KIAA1549L: variants seen among roughly 807,000 people sequenced by gnomAD.
KIAA1549L encodes KIAA1549 like.
Under a neutral mutation model 160.7 loss-of-function variants are expected in KIAA1549L, and 88 were observed. That is an observed-to-expected ratio of 0.55 (90% CI 0.46 to 0.65). The LOEUF (loss-of-function observed/expected upper bound fraction) is 0.65, where lower values mean the gene tolerates loss of function less well. KIAA1549L is among the 30% of genes least tolerant of loss of function. The pLI is 0.00. For missense variants in KIAA1549L, 2,258 were observed against 2,437.5 expected (o/e 0.93, Z 1.55); for synonymous variants, 950 against 976.7 (o/e 0.97, Z 0.51).
intron 1 of KIAA1549L, among the ~76,000 whole-genome samples, chr11:33,541,065 C>G (rs956957978): frequency 6.6e-6 from 1 of 152,136 alleles, no homozygotes; most frequent in Non-Finnish European, 1.5e-5. Context: ...GAGTTGTTTC[C>G]TCGCCTCCTT....
rs1456815861 is a variant in KIAA1549L at position 33,655,995 on chromosome 11, G to A, written c.5761-17G>A. On this transcript the variant is annotated splice_polypyrimidine_tract_variant and intron_variant, in intron 17 of 20. Transcript: ENST00000658780. ...GGGTGTTAACAACTCTCCCTGTATT[G>A]CTTGTCTCTTTCACAGGCTTACAGG... The A allele has an allele frequency of 9.4e-6, 15 of 1,591,862 alleles. No homozygotes were observed. Among genetic ancestry groups the A allele is most frequent in the Non-Finnish European group, 1.3e-5 (15 of 1,160,244 alleles).
intron 10 of KIAA1549L, among the ~76,000 whole-genome samples, chr11:33,582,930 G>T: frequency 6.6e-6 from 1 of 152,142 alleles, no homozygotes; most frequent in South Asian, 2.1e-4. Flanking sequence ...TGTGGCTTTT[G>T]CCTCTTGATT....
At chr11:33,593,412 C>G (rs934744098) in intron 12 of KIAA1549L, among the ~76,000 whole-genome samples, 2 of 152,168 alleles carry the variant, frequency 1.3e-5, no homozygotes, top group Admixed American at 1.3e-4. Flanking sequence ...GCACTCCAGC[C>G]TGGATGACAG....
At chr11:33,450,604 T>C (rs1306655268) in intron 1 of KIAA1549L, 1 of 150,842 alleles carries the variant, frequency 6.6e-6, no homozygotes, top group South Asian at 2.1e-4. Flanking sequence ...AGAAAACTGC[T>C]CTGGAGTCAC....
chr11:33,436,771 GT>G (rs1416655399), intron 1 of KIAA1549L, among the ~76,000 whole-genome samples: 1 of 152,186 alleles, frequency 6.6e-6, no homozygotes, highest in Non-Finnish European at 1.5e-5. Context: ...CTCTTAGTTG[GT>G]TCAGAAAATT....
At chr11:33,417,886 T>C (rs1850920528) in intron 1 of KIAA1549L, among the ~76,000 whole-genome samples, 1 of 152,150 alleles carries the variant, frequency 6.6e-6, no homozygotes, top group Admixed American at 6.6e-5. Context: ...CCAGCGATTC[T>C]TGTGCCTCAG....
intron 16 of KIAA1549L, among the ~76,000 whole-genome samples, chr11:33,628,486 A>T: frequency 6.6e-6 from 1 of 150,570 alleles, no homozygotes; most frequent in East Asian, 1.9e-4. Flanking sequence ...GGGCGCATAT[A>T]TATTTAGGAT....
intron 13 of KIAA1549L, among the ~76,000 whole-genome samples, chr11:33,606,127 GA>G (rs34777358): frequency 0.2 from 29,848 of 146,704 alleles, 3,418 homozygotes; most frequent in East Asian, 0.36. Flanking sequence ...TTCAGAAGAG[GA>G]AAAAAAAAAA....
intron 13 of KIAA1549L, 148 bp downstream of exon 13, chr11:33,599,095 A>T: frequency 1.2e-6 from 1 of 838,688 alleles, no homozygotes; most frequent in Non-Finnish European, 1.8e-6. Context: ...AAGGGCCAGG[A>T]GTCTGTATGT....
chr11:33,397,971 T>C (rs1850421408), intron 1 of KIAA1549L, among the ~76,000 whole-genome samples: 1 of 147,434 alleles, frequency 6.8e-6, no homozygotes, highest in Non-Finnish European at 1.5e-5. Flanking sequence ...TTGCCTAGGC[T>C]GGAGTGCAGT....
chr11:33,389,975 G>C (rs941139642), intron 1 of KIAA1549L, among the ~76,000 whole-genome samples: 1 of 152,294 alleles, frequency 6.6e-6, no homozygotes, highest in Admixed American at 6.5e-5. Context: ...TGACATATTC[G>C]TAATAGGAAT....
chr11:33,563,905 T>C (rs934747834), intron 8 of KIAA1549L, among the ~76,000 whole-genome samples: 1 of 152,196 alleles, frequency 6.6e-6, no homozygotes, highest in African/African-American at 2.4e-5. Context: ...ACCTCTTGTG[T>C]CATCTTTTCT....
At chr11:33,647,337 C>A (rs1851749809) in intron 17 of KIAA1549L, among the ~76,000 whole-genome samples, 1 of 141,354 alleles carries the variant, frequency 7.1e-6, no homozygotes, top group African/African-American at 2.8e-5. Flanking sequence ...GACTGTGAGA[C>A]TGTACTTCAG....
In KIAA1549L at chr11:33,399,248, C is replaced by T. The variant is rs554053763; in HGVS notation, c.238+22359C>T. On this transcript the variant is annotated intron_variant, in intron 1 of 20. Coordinates refer to ENST00000658780, the MANE Select transcript of KIAA1549L (RefSeq NM_012194.3). ...GATTACAGGTGTGAGTCACCACGCC[C>T]GGCCCAGTTAGTGTTTATAATGTCA... 2.1e-3 allele frequency among the ~76,000 whole-genome samples: 322 copies of T among 152,216 alleles called. 1 individual carries two copies. Among genetic ancestry groups the T allele is most frequent in the African/African-American group, 7.3e-3 (304 of 41,526 alleles).
At chr11:33,632,239 C>T (rs910307542) in intron 16 of KIAA1549L, among the ~76,000 whole-genome samples, 1 of 152,184 alleles carries the variant, frequency 6.6e-6, no homozygotes, top group Non-Finnish European at 1.5e-5. Context: ...TTGGCTGTAT[C>T]CACAGGTGGA....
At chr11:33,470,302 T>C (rs1298992451) in intron 1 of KIAA1549L, among the ~76,000 whole-genome samples, 29 of 152,232 alleles carry the variant, frequency 1.9e-4, no homozygotes, top group Admixed American at 1.9e-3. Context: ...CTTGGTGTTC[T>C]TGTTGAAAAT....
chr11:33,642,473 G>T (rs1165128859), intron 16 of KIAA1549L, among the ~76,000 whole-genome samples: 1 of 152,166 alleles, frequency 6.6e-6, no homozygotes, highest in African/African-American at 2.4e-5. Context: ...AGGGGAAGGG[G>T]TTCTCACCCC....
At chr11:33,382,546 A>G (rs1850092805) in intron 1 of KIAA1549L, among the ~76,000 whole-genome samples, 1 of 152,184 alleles carries the variant, frequency 6.6e-6, no homozygotes, top group Non-Finnish European at 1.5e-5. Flanking sequence ...GGGAGGGTTA[A>G]GATGAGGTCT....
At chr11:33,596,367 A>G (rs750613833) in intron 12 of KIAA1549L, among the ~76,000 whole-genome samples, 1 of 152,136 alleles carries the variant, frequency 6.6e-6, no homozygotes, top group Non-Finnish European at 1.5e-5. Context: ...GCTCATTAAC[A>G]CCTTTCCTTG....
Sources: allele counts gnomAD v4.1 joint callset (sites outside exome capture counted in the v4.1 genomes callset), GRCh38; gene constraint gnomAD v4.1.1; transcripts MANE v1.5; gene names NCBI Gene and HGNC (gene_info 2026-07-23, HGNC 2026-07-21).